ZFAND5: variants seen among roughly 807,000 people sequenced by gnomAD.
ZFAND5 encodes the protein AN1-type zinc finger protein 5.
A neutral mutation model predicts 23.6 loss-of-function variants in ZFAND5; 4 were observed. The observed-to-expected ratio is 0.17, with a 90% CI of 0.08 to 0.39. The LOEUF (loss-of-function observed/expected upper bound fraction) is 0.39. Ranked by LOEUF, ZFAND5 falls within the 10% of genes least tolerant of loss-of-function variation. The pLI is 1.00. For missense variants in ZFAND5, 161 were observed against 253.7 expected (o/e 0.63, Z 2.48); for synonymous variants, 68 against 80.6 (o/e 0.84, Z 0.84).
At chr9:72,363,766 A>T (rs1842171517) in intron 1 of ZFAND5, 160 bp from the exon 2 acceptor site, 1 of 463,726 alleles carries the variant, frequency 2.2e-6, no homozygotes, top group Admixed American at 6.4e-5. Context: ...AAAATAAGGA[A>T]TAAAATACAT....
chr9:72,362,684 A>T (rs561649699), intron 2 of ZFAND5, among the ~76,000 whole-genome samples: 1 of 152,370 alleles, frequency 6.6e-6, no homozygotes, highest in South Asian at 2.1e-4. Flanking sequence ...CACAAGAGGT[A>T]CCAGGACATG....
chr9:72,357,667 T>TTTAAAAACAGATCGGCAAACAGTCTTTA (rs1841982268), intron 5 of ZFAND5, among the ~76,000 whole-genome samples: 3 of 152,144 alleles, frequency 2.0e-5, no homozygotes, highest in African/African-American at 7.2e-5. Context: ...AAACCTTGGT[T>TTTAAAAACAGATCGGCAAACAGTCTTTA]TTAAAAACAG....
At position 72,352,899 on chromosome 9, in the gene ZFAND5, A is replaced by C. The variant is rs1056639430; in HGVS notation, c.*3054T>G. 6.6e-6 allele frequency: 1 copy of C among 152,236 alleles called. No homozygotes were observed. The highest frequency in any genetic ancestry group is 2.4e-5 in the African/African-American group (1 of 41,470). 9.4% of individuals were successfully genotyped at this position (152,236 alleles called of 1,614,324 possible). A position where few individuals can be genotyped will look rare whatever the true frequency, so the allele number is the denominator to read the frequency against. ...AAAGTGGACCTAAAATAACTTGCCCAAAATCACGGGCTGGTTCCAGGGTCC... is the reference window on the plus strand; with the variant it reads ...AAAGTGGACCTAAAATAACTTGCCCCAAATCACGGGCTGGTTCCAGGGTCC... On this transcript the variant is annotated 3_prime_UTR_variant, in exon 7 of 7. Transcript: ENST00000376962.
Position 72,352,896 on chromosome 9 carries a change from C to G in ZFAND5, c.*3057G>C, listed in dbSNP as rs1841814652. On this transcript the variant is annotated 3_prime_UTR_variant, in exon 7 of 7. Transcript: ENST00000376962. ...TCCAAAGTGGACCTAAAATAACTTG[C>G]CCAAAATCACGGGCTGGTTCCAGGG... 6.6e-6 allele frequency: 1 copy of G among 152,200 alleles called. No homozygotes were observed. The allele number at this position is 152,200 out of a possible 1,614,324, so 9.4% of individuals were successfully genotyped here.
chr9:72,353,994 G>A lies in ZFAND5; in HGVS notation c.*1959C>T, dbSNP rs1841860051. On this transcript the variant is annotated 3_prime_UTR_variant, in exon 7 of 7. Transcript: ENST00000376962. ...TGCACTCTGGTAATCATTTACCCCA[G>A]GTAAAGTCAACATGTACCTGTCACC... 1 of 152,102 alleles carries A rather than the reference G, an allele frequency of 6.6e-6. No homozygotes were observed. The highest frequency in any genetic ancestry group is 2.4e-5 in the African/African-American group (1 of 41,402). The allele number at this position is 152,102 out of a possible 1,614,324, so 9.4% of individuals were successfully genotyped here.
intron 3 of ZFAND5, 186 bp downstream of exon 3, chr9:72,360,442 A>G (rs1041699264): frequency 2.0e-5 from 18 of 882,942 alleles, no homozygotes; most frequent in East Asian, 1.3e-4. Flanking sequence ...CTGAAAAGCT[A>G]TAAGATGCTT....
At chr9:72,362,806 C>T (rs982634475) in intron 2 of ZFAND5, among the ~76,000 whole-genome samples, 1 of 152,116 alleles carries the variant, frequency 6.6e-6, no homozygotes, top group Non-Finnish European at 1.5e-5. Context: ...GCTCAGATCA[C>T]ATGGGAGGGC....
intron 2 of ZFAND5, among the ~76,000 whole-genome samples, chr9:72,361,550 C>T (rs542787632): frequency 8.5e-5 from 13 of 152,326 alleles, no homozygotes; most frequent in African/African-American, 2.6e-4. Flanking sequence ...GCTTGTCTTC[C>T]TCATACCAGA....
At position 72,364,840 on chromosome 9, in the gene ZFAND5, GCGC is replaced by G. The variant is rs949632481; in HGVS notation, c.-294_-292del. On this transcript the variant is annotated 5_prime_UTR_variant, in exon 1 of 7. Coordinates refer to ENST00000376962, the MANE Select transcript of ZFAND5 (RefSeq NM_001102420.3). ...CGGGTCGGAGCAGCAGGCGGAGGTGGCGCCGCCGCCGCCGCGGGGTCTTCCTTT... is the reference window on the plus strand; with the variant it reads ...CGGGTCGGAGCAGCAGGCGGAGGTGGCGCCGCCGCCGCGGGGTCTTCCTTT... The G allele has an allele frequency of 3.8e-5, 6 of 157,906 alleles. No individual in the cohort carries two copies. Among genetic ancestry groups the G allele is most frequent in the South Asian group, 1.9e-4 (1 of 5,236 alleles). The allele number at this position is 157,906 out of a possible 1,614,324, so 9.8% of individuals were successfully genotyped here.
chr9:72,360,052 C>A (rs1232552845), intron 4 of ZFAND5, 58 bp downstream of exon 4: 71 of 1,442,118 alleles, frequency 4.9e-5, no homozygotes, highest in Non-Finnish European at 6.7e-5. Context: ...TGGACCAGTA[C>A]AGACATCTTG....
chr9:72,361,400 A>T (rs1022199535), intron 2 of ZFAND5, among the ~76,000 whole-genome samples: 6 of 152,200 alleles, frequency 3.9e-5, no homozygotes, highest in East Asian at 1.9e-4. Flanking sequence ...CTAAGAATTT[A>T]GGGTCAGCTG....
At chr9:72,360,404 T>C in intron 3 of ZFAND5, 183 bp from the exon 4 acceptor site, 1 of 821,438 alleles carries the variant, frequency 1.2e-6, no homozygotes. Flanking sequence ...AACACAAGTG[T>C]GAAACAAAAT....
chr9:72,356,302 A>T (rs1841942454), intron 6 of ZFAND5, among the ~76,000 whole-genome samples: 1 of 152,222 alleles, frequency 6.6e-6, no homozygotes, highest in Non-Finnish European at 1.5e-5. Context: ...AGGAACTTTT[A>T]ACTTCCTTTG....
Position 72,358,527 on chromosome 9 carries a change from AAAACAAAAACCC to A in ZFAND5, c.367+879_367+890del, listed in dbSNP as rs748994429. ...ATTTTGTATTTAAAAACCAAAACCAAAAACAAAAACCCAAACAAAGGCATCACGGGCAAACTA... is the reference window on the plus strand; with the variant it reads ...ATTTTGTATTTAAAAACCAAAACCAAAAACAAAGGCATCACGGGCAAACTA... On this transcript the variant is annotated intron_variant, in intron 5 of 6. Transcript: ENST00000376962. Among the ~76,000 whole-genome samples, 65 of 152,286 alleles carry A rather than the reference AAAACAAAAACCC, an allele frequency of 4.3e-4. 2 individuals are homozygous for A. Among genetic ancestry groups the A allele is most frequent in the Admixed American group, 2.6e-4 (4 of 15,288 alleles).
chr9:72,359,219 CTG>C (rs943157386), intron 5 of ZFAND5, among the ~76,000 whole-genome samples, 197 bp downstream of exon 5: 1 of 151,328 alleles, frequency 6.6e-6, no homozygotes, highest in African/African-American at 2.4e-5. Flanking sequence ...AGAGAAGAAA[CTG>C]AGAATAAATA....
Position 72,355,874 on chromosome 9 carries a change from G to A in ZFAND5, c.*79C>T, listed in dbSNP as rs2131972266. On this transcript the variant is annotated 3_prime_UTR_variant, in exon 7 of 7. Transcript: ENST00000376962. ...CTCTGGAGAACATCAAAGAAAAATGGCCATGCATCTGCTCTTTAATGTTTT... is the reference window on the plus strand; with the variant it reads ...CTCTGGAGAACATCAAAGAAAAATGACCATGCATCTGCTCTTTAATGTTTT... The A allele has an allele frequency of 7.7e-7, 1 of 1,304,900 alleles. No homozygotes were observed. The highest frequency in any genetic ancestry group is 1.5e-5 in the South Asian group (1 of 68,076). 80.8% of individuals were successfully genotyped at this position (1,304,900 alleles called of 1,614,324 possible). A position where few individuals can be genotyped will look rare whatever the true frequency, so the allele number is the denominator to read the frequency against.
In ZFAND5 at chr9:72,353,368, C is replaced by CAAAAA. The variant is rs111831441; in HGVS notation, c.*2580_*2584dup. The CAAAAA allele has an allele frequency of 7.0e-6, 1 of 143,714 alleles. No homozygotes were observed. Among genetic ancestry groups the CAAAAA allele is most frequent in the Admixed American group, 7.0e-5 (1 of 14,380 alleles). 8.9% of individuals were successfully genotyped at this position (143,714 alleles called of 1,614,324 possible). On this transcript the variant is annotated 3_prime_UTR_variant, in exon 7 of 7. Coordinates refer to ENST00000376962, the MANE Select transcript of ZFAND5 (RefSeq NM_001102420.3). ...TAATGTTTCTTGTAAAACAAACAAA[C>CAAAAA]AAAAAAAAAACAAAAAAAACTGATT...
In ZFAND5 at chr9:72,355,097, AATT is replaced by A. The variant is rs1841903305; in HGVS notation, c.*853_*855del. 1 of 152,682 alleles carries A rather than the reference AATT, an allele frequency of 6.5e-6. No homozygotes were observed. Among genetic ancestry groups the A allele is most frequent in the African/African-American group, 2.4e-5 (1 of 41,460 alleles). The allele number at this position is 152,682 out of a possible 1,614,324, so 9.5% of individuals were successfully genotyped here. A position where few individuals can be genotyped will look rare whatever the true frequency, so the allele number is the denominator to read the frequency against. On this transcript the variant is annotated 3_prime_UTR_variant, in exon 7 of 7. Transcript: ENST00000376962. Reference sequence around the variant, plus strand: ...CATTCGACAAAAGATGCACATGAAAAATTATTCAGATACCTTTGCAACTTAAAA... The same window carrying A: ...CATTCGACAAAAGATGCACATGAAAAATTCAGATACCTTTGCAACTTAAAA...
intron 4 of ZFAND5, 63 bp downstream of exon 4, chr9:72,360,047 C>G: frequency 5.2e-6 from 7 of 1,355,936 alleles, no homozygotes; most frequent in Non-Finnish European, 7.2e-6. Flanking sequence ...ATTATTGGAC[C>G]AGTACAGACA....
Sources: allele counts gnomAD v4.1 joint callset (sites outside exome capture counted in the v4.1 genomes callset), GRCh38; gene constraint gnomAD v4.1.1; transcripts MANE v1.5; gene names NCBI Gene and HGNC (gene_info 2026-07-23, HGNC 2026-07-21).